The following CHST11 variants were observed in gnomAD, a reference collection of about 807,000 sequenced individuals.
The protein encoded by CHST11 is carbohydrate sulfotransferase 11, also known as C4S-1.
Under a neutral mutation model 30.4 loss-of-function variants are expected in CHST11, and 9 were observed. The ratio of observed to expected loss-of-function variants is 0.30; its 90% CI spans 0.18 to 0.52. The LOEUF (loss-of-function observed/expected upper bound fraction) is 0.52, where lower values mean the gene tolerates loss of function less well. Ranked by LOEUF, CHST11 falls within the 20% of genes least tolerant of loss-of-function variation. CHST11 has a pLI of 0.97. For synonymous variants in CHST11, 152 were observed against 187.8 expected, an observed-to-expected ratio of 0.81 and a Z score of 1.56; for missense variants, 348 against 460.6, an observed-to-expected ratio of 0.76 and a Z score of 2.24.
intron 2 of CHST11, among the ~76,000 whole-genome samples, chr12:104,727,005 G>A (rs1460892518): frequency 6.6e-6 from 1 of 152,152 alleles, no homozygotes; most frequent in Non-Finnish European, 1.5e-5. Flanking sequence ...TGGCATTTTT[G>A]TCTGGTCCAC....
intron 2 of CHST11, among the ~76,000 whole-genome samples, chr12:104,706,035 G>A (rs2040030353): frequency 1.3e-5 from 2 of 152,180 alleles, no homozygotes; most frequent in Non-Finnish European, 2.9e-5. Context: ...GCAGTGAGCT[G>A]TGATTGCACC....
At chr12:104,701,295 G>T (rs2039988854) in intron 2 of CHST11, among the ~76,000 whole-genome samples, 1 of 152,110 alleles carries the variant, frequency 6.6e-6, no homozygotes, top group Non-Finnish European at 1.5e-5. Flanking sequence ...AAAGAGATGG[G>T]ATCAATCCCT....
At position 104,457,155 on chromosome 12, in the gene CHST11, G is replaced by T. The variant is rs1199062715; in HGVS notation, c.-257G>T. 2.0e-5 allele frequency: 6 copies of T among 299,890 alleles called. No homozygotes were observed. The highest frequency in any genetic ancestry group is 1.3e-4 in the African/African-American group (6 of 46,078). 18.6% of individuals were successfully genotyped at this position (299,890 alleles called of 1,614,324 possible). ...GCGGGATCGGAGGAGGCGGCGGAGC[G>T]GCGAGGAGGAGGAGCAGGAGCGCGC... On this transcript the variant is annotated 5_prime_UTR_variant, in exon 1 of 3. Transcript: ENST00000303694.
intron 1 of CHST11, among the ~76,000 whole-genome samples, chr12:104,544,138 A>AAAGAAAGAAAGAAAGAAAGAAAG (rs538963282): frequency 2.0e-4 from 14 of 71,720 alleles, no homozygotes; most frequent in Admixed American, 6.7e-4. Flanking sequence ...AAAAAAAAAA[A>AAAGAAAGAAAGAAAGAAAGAAAG]AAAGAAAGAA....
At chr12:104,491,001 G>T (rs1011725591) in intron 1 of CHST11, among the ~76,000 whole-genome samples, 2 of 149,748 alleles carry the variant, frequency 1.3e-5, no homozygotes, top group Non-Finnish European at 3.0e-5. Flanking sequence ...GCTGTGCTGG[G>T]TGGCAGGGGA....
At chr12:104,716,096 G>A (rs2040128908) in intron 2 of CHST11, among the ~76,000 whole-genome samples, 1 of 152,146 alleles carries the variant, frequency 6.6e-6, no homozygotes, top group South Asian at 2.1e-4. Flanking sequence ...TGGATCTGGT[G>A]GTGCTGTGTC....
intron 2 of CHST11, among the ~76,000 whole-genome samples, chr12:104,701,684 G>C (rs1012628102): frequency 1.3e-5 from 2 of 152,234 alleles, no homozygotes; most frequent in Admixed American, 6.5e-5. Context: ...TGGAGAAAAA[G>C]TATCTCTACC....
intron 1 of CHST11, among the ~76,000 whole-genome samples, chr12:104,476,477 C>G (rs963510708): frequency 6.6e-5 from 10 of 152,056 alleles, no homozygotes; most frequent in African/African-American, 2.2e-4. Flanking sequence ...TCTCTGACAA[C>G]ACTGTAATAT....
intron 1 of CHST11, among the ~76,000 whole-genome samples, chr12:104,465,705 A>G (rs1025785484): frequency 3.9e-5 from 6 of 152,110 alleles, no homozygotes; most frequent in Non-Finnish European, 5.9e-5. Context: ...TCACCACCCA[A>G]TCCATGTGCG....
chr12:104,624,748 C>T lies in CHST11; in HGVS notation c.204+22757C>T, dbSNP rs1026058523. Among the ~76,000 whole-genome samples, 13 of 152,278 alleles carry T rather than the reference C, an allele frequency of 8.5e-5. 1 individual carries two copies. Among genetic ancestry groups the T allele is most frequent in the East Asian group, 1.9e-4 (1 of 5,184 alleles). ...CTCAGACTGCCATAACAACATACCA[C>T]GGACTGGGTGGCTTGAACAACAGAC... is the stretch of plus-strand genomic sequence containing the variant. On this transcript the variant is annotated intron_variant, in intron 2 of 2. Transcript: ENST00000303694.
chr12:104,503,474 C>A (rs927680702), intron 1 of CHST11, among the ~76,000 whole-genome samples: 1 of 152,218 alleles, frequency 6.6e-6, no homozygotes, highest in South Asian at 2.1e-4. Context: ...TTAATACCCA[C>A]CTTCTAAAGT....
chr12:104,750,875 A>G (rs2136145454), intron 2 of CHST11, among the ~76,000 whole-genome samples: 1 of 152,354 alleles, frequency 6.6e-6, no homozygotes, highest in South Asian at 2.1e-4. Flanking sequence ...ATAAAAACCA[A>G]TTAAAATGTA....
At chr12:104,544,116 CCT>C (rs2038312700) in intron 1 of CHST11, among the ~76,000 whole-genome samples, 1 of 103,634 alleles carries the variant, frequency 9.6e-6, no homozygotes, top group Admixed American at 9.8e-5. Flanking sequence ...AGAGAGAGAC[CCT>C]GTCTGTTAAA....
chr12:104,578,918 A>G (rs1420510090), intron 1 of CHST11, among the ~76,000 whole-genome samples: 3 of 152,202 alleles, frequency 2.0e-5, no homozygotes, highest in Admixed American at 2.0e-4. Flanking sequence ...CTCAGCTTCA[A>G]AGCTGGATTA....
intron 2 of CHST11, among the ~76,000 whole-genome samples, chr12:104,711,864 C>G (rs961989848): frequency 6.6e-6 from 1 of 152,106 alleles, no homozygotes; most frequent in Non-Finnish European, 1.5e-5. Context: ...AAATAGGAGG[C>G]CACTGAGGCA....
chr12:104,720,453 G>A (rs10161421), intron 2 of CHST11, among the ~76,000 whole-genome samples: 27,918 of 152,092 alleles, frequency 0.18, 4,151 homozygotes, highest in East Asian at 0.48. Flanking sequence ...GACCCCGCAC[G>A]GTATTTCCTC....
At chr12:104,648,799 G>A (rs2039462233) in intron 2 of CHST11, among the ~76,000 whole-genome samples, 1 of 152,036 alleles carries the variant, frequency 6.6e-6, no homozygotes, top group African/African-American at 2.4e-5. Flanking sequence ...GGACAACAGA[G>A]CGAGACTCTC....
intron 1 of CHST11, chr12:104,514,118 G>T (rs2037997051): frequency 8.2e-7 from 1 of 1,217,404 alleles, no homozygotes; most frequent in African/African-American, 1.5e-5. Context: ...CCTCCTTCTT[G>T]AATAGCCCAG....
At chr12:104,696,390 A>T (rs2039945076) in intron 2 of CHST11, among the ~76,000 whole-genome samples, 1 of 147,444 alleles carries the variant, frequency 6.8e-6, no homozygotes, top group African/African-American at 2.5e-5. Context: ...TAATCGCAGC[A>T]CTTTGGGAGG....
Sources: gnomAD v4.1 joint callset for allele counts (sites outside exome capture counted in the v4.1 genomes callset) on GRCh38, gnomAD v4.1.1 for gene constraint, MANE v1.5 for transcripts, NCBI Gene and HGNC (gene_info 2026-07-23, HGNC 2026-07-21) for gene names.